The following PCNX4 variants were observed in gnomAD, a reference collection of about 807,000 sequenced individuals.
PCNX4 encodes pecanex-like protein 4.
In PCNX4, 103 loss-of-function variants were observed where a neutral mutation model predicts 107.2. That is an observed-to-expected ratio of 0.96 (90% confidence interval 0.82 to 1.13). The LOEUF (loss-of-function observed/expected upper bound fraction) is 1.13. Ranked by LOEUF, PCNX4 falls within the 50% of genes most tolerant of loss-of-function variation. The pLI, the probability that PCNX4 is intolerant of heterozygous loss-of-function variation, is 0.00. For synonymous variants in PCNX4, 541 were observed against 481.7 expected (o/e 1.12, Z -1.61); for missense variants, 1,528 against 1,379.4 (o/e 1.11, Z -1.71).
At position 60,115,267 on chromosome 14, in the gene PCNX4, A is replaced by T. The variant is rs1346339597; in HGVS notation, c.1163A>T (p.Gln388Leu). 6.2e-7 allele frequency: 1 copy of T among 1,611,880 alleles called. No individual in the cohort carries two copies. Among genetic ancestry groups the T allele is most frequent in the Admixed American group, 1.7e-5 (1 of 59,892 alleles). Residue 388 changes from glutamine to leucine, a missense_variant, in exon 4 of 11, where the codon CAG becomes CTG. Gln to Leu is a moderately radical substitution (Grantham distance 113). Transcript: ENST00000406854. ...TCACAGATTTCTAAAAGCAATTCCC[A>T]GGCTATTGTGGGCTATGGTTTGATG... ...GFSQISKSNSQAIVGYGLMIL... is the reference protein window; with the variant it reads ...GFSQISKSNSLAIVGYGLMIL...
intron 6 of PCNX4, 70 bp from the exon 7 acceptor site, chr14:60,118,259 C>T (rs1895887830): frequency 2.7e-6 from 4 of 1,455,328 alleles, no homozygotes; most frequent in Non-Finnish European, 3.6e-6. Flanking sequence ...TATAGTCTGT[C>T]TTATATGATC....
Position 60,118,489 on chromosome 14 carries a change from T to C in PCNX4, c.1739T>C (p.Ile580Thr). ...TTTTCTCCATTCGTGTTGGTCATCA[T>C]AGTTTTTTCTACACTACTCTCTTCT... ...IVFSPFVLVI[I>T]VFSTLLSSPL... Residue 580 changes from isoleucine to threonine, a missense_variant, in exon 7 of 11, where the codon ATA becomes ACA. By Grantham distance (89) the Ile-to-Thr change is moderately conservative (BLOSUM62 -1). Coordinates refer to ENST00000406854, the MANE Select transcript of PCNX4 (RefSeq NM_001330177.2). 2 of 1,613,800 alleles carry C rather than the reference T, an allele frequency of 1.2e-6. No homozygotes were observed. Among genetic ancestry groups the C allele is most frequent in the East Asian group, 4.5e-5 (2 of 44,882 alleles).
chr14:60,118,861 C>T (rs1895902762), intron 7 of PCNX4, among the ~76,000 whole-genome samples, 169 bp downstream of exon 7: 1 of 152,188 alleles, frequency 6.6e-6, no homozygotes, highest in African/African-American at 2.4e-5. Flanking sequence ...TTATCTCCTG[C>T]TCCTTGTTTT....
In PCNX4 at chr14:60,135,972, A is replaced by G. The variant is rs1249111021; in HGVS notation, c.*1751A>G. ...GATTTTCACTGTGATAATAATGTCA[A>G]GCTATGCCTTCGCTTAACCTTGCAT... On this transcript the variant is annotated 3_prime_UTR_variant, in exon 11 of 11. Coordinates refer to ENST00000406854, the MANE Select transcript of PCNX4 (RefSeq NM_001330177.2). The G allele has an allele frequency of 6.6e-6, 1 of 152,214 alleles. No homozygotes were observed. The highest frequency in any genetic ancestry group is 1.5e-5 in the Non-Finnish European group (1 of 68,036). The allele number at this position is 152,214 out of a possible 1,614,324, so 9.4% of individuals were successfully genotyped here. A position where few individuals can be genotyped will look rare whatever the true frequency, so the allele number is the denominator to read the frequency against.
At chr14:60,104,318 CAAAAAAAAAAA>C (rs200434027) in intron 1 of PCNX4, among the ~76,000 whole-genome samples, 2,723 of 129,368 alleles carry the variant, frequency 0.021, 36 homozygotes, top group South Asian at 0.042. Flanking sequence ...GACTCCATCT[CAAAAAAAAAAA>C]AAAAAAAAAA....
chr14:60,094,926 T>A (rs1264262197), intron 1 of PCNX4, among the ~76,000 whole-genome samples: 1 of 152,124 alleles, frequency 6.6e-6, no homozygotes, highest in Non-Finnish European at 1.5e-5. Context: ...TAAAATAAAT[T>A]AATTTATTTC....
chr14:60,107,553 A>C, intron 1 of PCNX4, 33 bp from the exon 2 acceptor site: 1 of 1,196,920 alleles, frequency 8.4e-7, no homozygotes, highest in African/African-American at 1.5e-5. Flanking sequence ...TGACATTTTC[A>C]AACAGTGACT....
rs1215550581 is a variant in PCNX4 at position 60,115,824 on chromosome 14, T to C, written c.1458+5T>C. 1.9e-5 allele frequency: 31 copies of C among 1,606,762 alleles called. No individual in the cohort carries two copies. The highest frequency in any genetic ancestry group is 2.4e-5 in the Non-Finnish European group (28 of 1,174,476). ...TTCACAAGAGCCTTTAGAATGGTAA[T>C]CCTAATATGTGTTTAATAGTATTTT... On this transcript the variant is annotated splice_donor_5th_base_variant and intron_variant, in intron 5 of 10. Coordinates refer to ENST00000406854, the MANE Select transcript of PCNX4 (RefSeq NM_001330177.2).
chr14:60,118,209 T>G (rs946043294), intron 6 of PCNX4, 120 bp from the exon 7 acceptor site: 4 of 1,307,176 alleles, frequency 3.1e-6, no homozygotes, highest in Admixed American at 6.7e-5. Flanking sequence ...AGAATAAGAT[T>G]TATTTCTTCA....
Position 60,118,472 on chromosome 14 carries a change from A to T in PCNX4, c.1722A>T (p.Pro574=), listed in dbSNP as rs1434900991. ...GTATACTCAACATTGTCTTTTCTCC[A>T]TTCGTGTTGGTCATCATAGTTTTTT... ...TLCILNIVFS[P]FVLVIIVFST... Residue 574 remains proline, a synonymous_variant, in exon 7 of 11, where the codon CCA becomes CCT. Transcript: ENST00000406854. The T allele has an allele frequency of 2.5e-6, 4 of 1,613,652 alleles. No homozygotes were observed. Among genetic ancestry groups the T allele is most frequent in the Non-Finnish European group, 3.4e-6 (4 of 1,179,796 alleles).
chr14:60,143,617 A>G lies in PCNX4; in HGVS notation c.*9396A>G, dbSNP rs1896332652. ...TTTCTTCACTTATGACTATGCCTCT[A>G]GTACATATCCATGTTGTTATGTATG... On this transcript the variant is annotated 3_prime_UTR_variant, in exon 11 of 11. Transcript: ENST00000406854. The G allele has an allele frequency of 6.6e-6, 1 of 152,234 alleles. No individual in the cohort carries two copies. Among genetic ancestry groups the G allele is most frequent in the Non-Finnish European group, 1.5e-5 (1 of 68,054 alleles). 9.4% of individuals were successfully genotyped at this position (152,234 alleles called of 1,614,324 possible). A position where few individuals can be genotyped will look rare whatever the true frequency, so the allele number is the denominator to read the frequency against.
In PCNX4 at chr14:60,125,805, G is replaced by C. The variant is rs1186449555; in HGVS notation, c.3249G>C (p.Leu1083=). The change falls in exon 10 of 11, where the codon CTG becomes CTC. Residue 1083 remains leucine (L), a synonymous_variant. Transcript: ENST00000406854. ...AAGAAAAGCCATACTTGTTTTCTCTGGGGTATGATTCTAATATGGTAAGGT... is the reference window on the plus strand; with the variant it reads ...AAGAAAAGCCATACTTGTTTTCTCTCGGGTATGATTCTAATATGGTAAGGT... The part of the protein sequence containing the change: ...ILQEKPYLFS[L]GYDSNMGIYT... The C allele has an allele frequency of 6.2e-7, 1 of 1,607,050 alleles. No homozygotes were observed. Among genetic ancestry groups the C allele is most frequent in the Admixed American group, 1.7e-5 (1 of 58,802 alleles).
intron 7 of PCNX4, among the ~76,000 whole-genome samples, chr14:60,120,086 C>A (rs1895926907): frequency 6.6e-6 from 1 of 152,076 alleles, no homozygotes; most frequent in Admixed American, 6.6e-5. Flanking sequence ...TTTGATGGTT[C>A]ACTAGGAGGA....
intron 1 of PCNX4, among the ~76,000 whole-genome samples, chr14:60,098,065 A>G (rs563131090): frequency 6.6e-6 from 1 of 152,196 alleles, no homozygotes. Flanking sequence ...TCCAAAGGGC[A>G]TCAGCCTTAT....
chr14:60,130,529 C>T (rs1203426839), intron 10 of PCNX4, among the ~76,000 whole-genome samples: 1 of 152,054 alleles, frequency 6.6e-6, no homozygotes, highest in African/African-American at 2.4e-5. Context: ...ACAAGAATGT[C>T]TACCCTTACC....
Position 60,124,287 on chromosome 14 carries a change from G to A in PCNX4, c.2116G>A (p.Ala706Thr). ...CAGAGTTGATGAAGTTTTTGAAGAT[G>A]CTTTTGAGCAAGAATACACAAGAGT... ...ARRVDEVFEDAFEQEYTRVCS... is the reference protein window; with the variant it reads ...ARRVDEVFEDTFEQEYTRVCS... The change falls in exon 9 of 11, where the codon GCT becomes ACT. Residue 706 changes from alanine to threonine, a missense_variant. Ala to Thr is a moderately conservative substitution (Grantham distance 58). Transcript: ENST00000406854. 1 of 1,607,238 alleles carries A rather than the reference G, an allele frequency of 6.2e-7. No homozygotes were observed. The highest frequency in any genetic ancestry group is 8.5e-7 in the Non-Finnish European group (1 of 1,176,378).
intron 2 of PCNX4, chr14:60,108,672 A>C (rs1309153523): frequency 5.8e-6 from 1 of 173,852 alleles, no homozygotes; most frequent in Non-Finnish European, 1.3e-5. Context: ...AGAAGAAATT[A>C]AAATTTATAC....
At chr14:60,119,106 G>A (rs774633240) in intron 7 of PCNX4, among the ~76,000 whole-genome samples, 38 of 152,272 alleles carry the variant, frequency 2.5e-4, no homozygotes, top group Non-Finnish European at 5.0e-4. Context: ...TCAGCTTGAG[G>A]AGCAGATGGA....
In PCNX4 at chr14:60,115,421, C is replaced by T. The variant is rs1895827931; in HGVS notation, c.1317C>T (p.Leu439=). The T allele has an allele frequency of 2.6e-6, 4 of 1,552,264 alleles. No homozygotes were observed. The highest frequency in any genetic ancestry group is 2.3e-5 in the East Asian group (1 of 44,382). ...TATTCTTTGAGAAGCAAACTAGGCT[C>T]ATGAAGATTGGTATTGTCAGACGGA... The part of the protein sequence containing the change: ...VTVFFEKQTR[L]MKIGIVRRIL... The change falls in exon 4 of 11, where the codon CTC becomes CTT. Residue 439 remains leucine, a synonymous_variant. Transcript: ENST00000406854.
Sources: gnomAD v4.1 joint callset for allele counts (sites outside exome capture counted in the v4.1 genomes callset) on GRCh38, gnomAD v4.1.1 for gene constraint, MANE v1.5 for transcripts, NCBI Gene and HGNC (gene_info 2026-07-23, HGNC 2026-07-21) for gene names.